The following ATP2A2 variants were observed in gnomAD, a reference collection of about 807,000 sequenced individuals.
ATP2A2 encodes sarcoplasmic/endoplasmic reticulum calcium ATPase 2.
In ATP2A2, 14 loss-of-function variants were observed where a neutral mutation model predicts 109.3. That is an observed-to-expected ratio of 0.13 (90% CI 0.08 to 0.20). ATP2A2 has a LOEUF of 0.20. ATP2A2 is among the 10% of genes least tolerant of loss of function. ATP2A2 has a pLI of 1.00. For missense variants in ATP2A2, 657 were observed against 1,321.6 expected (o/e 0.50, Z 7.80); for synonymous variants, 506 against 490.9 (o/e 1.03, Z -0.41).
intron 5 of ATP2A2, among the ~76,000 whole-genome samples, chr12:110,313,310 C>CTTTTTT (rs748790705): frequency 3.9e-4 from 44 of 113,170 alleles, no homozygotes; most frequent in Non-Finnish European, 4.7e-4. Flanking sequence ...ACCACCTTTC[C>CTTTTTT]TTTTTTTTTT....
intron 1 of ATP2A2, among the ~76,000 whole-genome samples, chr12:110,282,274 C>A (rs1455368067): frequency 6.6e-6 from 1 of 152,206 alleles, no homozygotes; most frequent in African/African-American, 2.4e-5. Context: ...GGCCTCTGAC[C>A]GTTCTTGTCC....
At position 110,348,016 on chromosome 12, in the gene ATP2A2, G is replaced by C; in HGVS notation, c.*1546G>C. The C allele has an allele frequency of 1.0e-6, 1 of 987,536 alleles. No homozygotes were observed. The highest frequency in any genetic ancestry group is 1.2e-6 in the Non-Finnish European group (1 of 831,390). 61.2% of individuals were successfully genotyped at this position (987,536 alleles called of 1,614,324 possible). A position where few individuals can be genotyped will look rare whatever the true frequency, so the allele number is the denominator to read the frequency against. On this transcript the variant is annotated 3_prime_UTR_variant, in exon 20 of 20. Coordinates refer to ENST00000539276, the MANE Select transcript of ATP2A2 (RefSeq NM_170665.4). The stretch of plus-strand genomic sequence containing the variant: ...TTCATAGACCTCCACAGGCTGCCTA[G>C]GACAAGATGACCAGGAGGGCCCAAG...
chr12:110,343,583 T>C (rs1412121764), intron 16 of ATP2A2, 149 bp downstream of exon 16: 1 of 925,448 alleles, frequency 1.1e-6, no homozygotes, highest in Non-Finnish European at 1.7e-6. Flanking sequence ...TTCGATGAAC[T>C]ATACATCCAA....
rs1555277075 is a variant in ATP2A2 at position 110,293,852 on chromosome 12, G to GTGTA, written c.324+1731_324+1732insATGT. ...TGTGTGTGTGTGTGTGTGTGTGTGT[G>GTGTA]TGTGTGTGTGTGTATATATTTTTTT... On this transcript the variant is annotated intron_variant, in intron 4 of 19. Coordinates refer to ENST00000539276, the MANE Select transcript of ATP2A2 (RefSeq NM_170665.4). Among the ~76,000 whole-genome samples, 57 of 122,884 alleles carry GTGTA rather than the reference G, an allele frequency of 4.6e-4. 2 individuals are homozygous for GTGTA. The highest frequency in any genetic ancestry group is 4.0e-3 in the Middle Eastern group (1 of 250). 80.6% of individuals were successfully genotyped at this position (122,884 alleles called of 152,430 possible). A position where few individuals can be genotyped will look rare whatever the true frequency, so the allele number is the denominator to read the frequency against.
rs1566246604 is a variant in ATP2A2, at chr12:110,349,204, C to G, written c.*2734C>G. 1.0e-6 allele frequency: 1 copy of G among 985,562 alleles called. No homozygotes were observed. Among genetic ancestry groups the G allele is most frequent in the East Asian group, 1.1e-4 (1 of 8,812 alleles). 61.1% of individuals were successfully genotyped at this position (985,562 alleles called of 1,614,324 possible). A position where few individuals can be genotyped will look rare whatever the true frequency, so the allele number is the denominator to read the frequency against. ...GGTGAAAACACTTCAGCATCTCCTC[C>G]TCAGGTCAACCCATAAAGACCAGGT... On this transcript the variant is annotated 3_prime_UTR_variant, in exon 20 of 20. Transcript: ENST00000539276.
rs756474522 is a variant in ATP2A2 at position 110,348,967 on chromosome 12, T to G, written c.*2497T>G. On this transcript the variant is annotated 3_prime_UTR_variant, in exon 20 of 20. Transcript: ENST00000539276. Reference sequence around the variant, plus strand: ...GCTTTTCCTGACTCAGTTCCTTGACTTAGTGGCCTTTACAAAAAAAGTTGA... The same window carrying G: ...GCTTTTCCTGACTCAGTTCCTTGACGTAGTGGCCTTTACAAAAAAAGTTGA... The G allele has an allele frequency of 7.1e-6, 7 of 985,336 alleles. No individual in the cohort carries two copies. Among genetic ancestry groups the G allele is most frequent in the Non-Finnish European group, 8.4e-6 (7 of 829,936 alleles). The allele number at this position is 985,336 out of a possible 1,614,324, so 61.0% of individuals were successfully genotyped here.
intron 5 of ATP2A2, among the ~76,000 whole-genome samples, chr12:110,302,534 A>C (rs1001081791): frequency 6.6e-6 from 1 of 151,858 alleles, no homozygotes; most frequent in Non-Finnish European, 1.5e-5. Context: ...AAAAGCGTAT[A>C]TATTGCTTTG....
rs371107246 is a variant in ATP2A2 at position 110,285,915 on chromosome 12, C to CTT, written c.219+3139_219+3140dup. The stretch of plus-strand genomic sequence containing the variant: ...CCTACTAGACCCCCTTGAGTTAGTG[C>CTT]TTTTTTTTTTTTTTTTTTTTAAATG... On this transcript the variant is annotated intron_variant, in intron 3 of 19. Transcript: ENST00000539276. Among the ~76,000 whole-genome samples the CTT allele has an allele frequency of 1.3e-3, 154 of 120,578 alleles. 1 individual carries two copies. The highest frequency in any genetic ancestry group is 4.5e-3 in the Middle Eastern group (1 of 220). 79.1% of individuals were successfully genotyped at this position (120,578 alleles called of 152,430 possible). A position where few individuals can be genotyped will look rare whatever the true frequency, so the allele number is the denominator to read the frequency against.
chr12:110,345,444 G>A (rs1027325615), intron 18 of ATP2A2, 62 bp downstream of exon 18: 2 of 1,604,182 alleles, frequency 1.2e-6, no homozygotes, highest in Non-Finnish European at 1.7e-6. Flanking sequence ...CCGGGGAATT[G>A]TGTGTAGTCA....
intron 5 of ATP2A2, among the ~76,000 whole-genome samples, chr12:110,300,417 C>T (rs1282489972): frequency 2.8e-5 from 4 of 143,562 alleles, no homozygotes; most frequent in Non-Finnish European, 6.0e-5. Flanking sequence ...TGCAGTGGCA[C>T]GATTGCGGCC....
At chr12:110,307,995 A>G (rs1277519347) in intron 5 of ATP2A2, among the ~76,000 whole-genome samples, 1 of 152,136 alleles carries the variant, frequency 6.6e-6, no homozygotes, top group African/African-American at 2.4e-5. Flanking sequence ...TTAAGTCTTT[A>G]ATTTGCCTTG....
At position 110,332,650 on chromosome 12, in the gene ATP2A2, C is replaced by T. The variant is rs767185539; in HGVS notation, c.1149C>T (p.Thr383=). The part of the protein sequence containing the change: ...EGDTCSLNEF[T]ITGSTYAPIG... Reference sequence around the variant, plus strand: ...ATACTTGTTCCCTTAATGAGTTTACCATAACTGGATCAACTTATGCACCTA... The same window carrying T: ...ATACTTGTTCCCTTAATGAGTTTACTATAACTGGATCAACTTATGCACCTA... The change falls in exon 9 of 20, where the codon ACC becomes ACT. Residue 383 remains threonine, a synonymous_variant. Transcript: ENST00000539276. 2.5e-6 allele frequency: 4 copies of T among 1,613,636 alleles called. No homozygotes were observed. Among genetic ancestry groups the T allele is most frequent in the Non-Finnish European group, 3.4e-6 (4 of 1,179,592 alleles).
intron 4 of ATP2A2, among the ~76,000 whole-genome samples, chr12:110,292,530 A>G (rs567423267): frequency 8.5e-5 from 13 of 152,270 alleles, no homozygotes; most frequent in South Asian, 4.1e-4. Context: ...CAGCCTCCCA[A>G]AGTGCTGGGA....
rs368517876 is a variant in ATP2A2 at position 110,346,377 on chromosome 12, T to C, written c.3036T>C (p.Asp1012=). 8.7e-6 allele frequency: 14 copies of C among 1,614,086 alleles called. No homozygotes were observed. Among genetic ancestry groups the C allele is most frequent in the Non-Finnish European group, 1.2e-5 (14 of 1,180,042 alleles). Residue 1012 remains aspartate, a synonymous_variant, in exon 20 of 20, where the codon GAT becomes GAC. Coordinates refer to ENST00000539276, the MANE Select transcript of ATP2A2 (RefSeq NM_170665.4). ...CCTGCTCGTTCTCGGCATGCACCGA[T>C]GGGATTTCCTGGCCGTTTGTGCTGC... ...TKSCSFSACT[D]GISWPFVLLI... is the part of the protein sequence containing the mutation.
Position 110,326,438 on chromosome 12 carries a change from G to A in ATP2A2, c.593G>A (p.Arg198Gln), listed in dbSNP as rs753755593. The A allele has an allele frequency of 1.7e-5, 27 of 1,613,980 alleles. No homozygotes were observed. Among genetic ancestry groups the A allele is most frequent in the Non-Finnish European group, 2.3e-5 (27 of 1,179,942 alleles). Residue 198 changes from arginine (R) to glutamine (Q), a missense_variant, in exon 7 of 20, where the codon CGA becomes CAA. Arg to Gln is a conservative substitution (Grantham distance 43, BLOSUM62 1). Transcript: ENST00000539276. ...CACACTGATCCCGTCCCTGACCCAC[G>A]AGCTGTCAACCAAGATAAAAAGAAC... The part of the protein sequence containing the change: ...IKHTDPVPDP[R>Q]AVNQDKKNML...
chr12:110,313,921 C>G (rs1592828595), intron 5 of ATP2A2, among the ~76,000 whole-genome samples: 1 of 151,300 alleles, frequency 6.6e-6, no homozygotes, highest in East Asian at 2.0e-4. Context: ...ACCATGTTGG[C>G]CAGGCTGGTC....
intron 6 of ATP2A2, among the ~76,000 whole-genome samples, chr12:110,324,522 A>AGCTGTTCT (rs1195035669): frequency 1.3e-5 from 2 of 152,210 alleles, no homozygotes; most frequent in Non-Finnish European, 2.9e-5. Context: ...CCTGGATTCA[A>AGCTGTTCT]GCTGTTCTCC....
At position 110,349,933 on chromosome 12, in the gene ATP2A2, A is replaced by T; in HGVS notation, c.*3463A>T. 1 of 1,163,592 alleles carries T rather than the reference A, an allele frequency of 8.6e-7. No homozygotes were observed. The highest frequency in any genetic ancestry group is 1.1e-6 in the Non-Finnish European group (1 of 936,836). 72.1% of individuals were successfully genotyped at this position (1,163,592 alleles called of 1,614,324 possible). Reference sequence around the variant, plus strand: ...AAGGCTGTGCTGCTACTGGCTGCTCACTTCTCCATCAACCTCACCCTCTGC... The same window carrying T: ...AAGGCTGTGCTGCTACTGGCTGCTCTCTTCTCCATCAACCTCACCCTCTGC... On this transcript the variant is annotated 3_prime_UTR_variant, in exon 20 of 20. Coordinates refer to ENST00000539276, the MANE Select transcript of ATP2A2 (RefSeq NM_170665.4).
At chr12:110,284,491 C>CA (rs566663964) in intron 3 of ATP2A2, among the ~76,000 whole-genome samples, 98 of 152,232 alleles carry the variant, frequency 6.4e-4, no homozygotes, top group Non-Finnish European at 1.0e-3. Flanking sequence ...ATTGGGGTTG[C>CA]ACTGGGTCTG....
Sources: gnomAD v4.1 joint callset for allele counts (sites outside exome capture counted in the v4.1 genomes callset) on GRCh38, gnomAD v4.1.1 for gene constraint, MANE v1.5 for transcripts, NCBI Gene and HGNC (gene_info 2026-07-23, HGNC 2026-07-21) for gene names.